Variants in FAM185A observed in about 807,000 individuals in gnomAD.
The protein encoded by FAM185A is family with sequence similarity 185 member A.
FAM185A carries 21 observed loss-of-function variants against 45.7 expected under a neutral mutation model. The ratio of observed to expected loss-of-function variants is 0.46; its 90% CI spans 0.33 to 0.66. The LOEUF is 0.66. FAM185A is among the 30% of genes least tolerant of loss of function. The probability of loss-of-function intolerance (pLI) is 0.03; values close to 1 mark genes in which losing one functional copy is unlikely to be tolerated. For synonymous variants in FAM185A, 117 were observed against 194.0 expected (o/e 0.60, Z 3.30); for missense variants, 305 against 485.4 (o/e 0.63, Z 3.49).
intron 2 of FAM185A, among the ~76,000 whole-genome samples, chr7:102,753,970 A>G (rs952171976): frequency 1.3e-5 from 2 of 152,198 alleles, no homozygotes; most frequent in Non-Finnish European, 2.9e-5. Context: ...AAATTCATGA[A>G]AAATTACGCC....
At chr7:102,816,455 G>A in the FAM185A span, among the ~76,000 whole-genome samples, 21 of 152,226 alleles carry the variant, frequency 1.4e-4, no homozygotes, top group South Asian at 6.2e-4. Flanking sequence ...ATCCTTAGCC[G>A]TGACTAGCTG....
chr7:102,791,153 T>A (rs1324709155), intron 7 of FAM185A, among the ~76,000 whole-genome samples: 1 of 151,808 alleles, frequency 6.6e-6, no homozygotes, highest in Non-Finnish European at 1.5e-5. Flanking sequence ...ATGGGACAGT[T>A]TGGATTTTAT....
chr7:102,796,142 A>G (rs1422153273), intron 7 of FAM185A, among the ~76,000 whole-genome samples: 2 of 151,984 alleles, frequency 1.3e-5, no homozygotes, highest in African/African-American at 2.4e-5. Context: ...AGGAGTTTTG[A>G]TTAGTCAGTC....
chr7:102,777,202 T>C, intron 5 of FAM185A, 51 bp from the exon 6 acceptor site: 1 of 1,545,494 alleles, frequency 6.5e-7, no homozygotes. Flanking sequence ...AGTTTGTAAT[T>C]CCATTTATCA....
Position 102,761,524 on chromosome 7 carries a change from G to A in FAM185A, c.793+113G>A, listed in dbSNP as rs548579692. On this transcript the variant is annotated intron_variant, in intron 4 of 7. Coordinates refer to ENST00000413034, the MANE Select transcript of FAM185A (RefSeq NM_001145268.2). ...AAACTGGCCTTTTAAATAATGAAATGCAGACTAACCATCTTTTTAAAAAAA... is the reference window on the plus strand; with the variant it reads ...AAACTGGCCTTTTAAATAATGAAATACAGACTAACCATCTTTTTAAAAAAA... 7.2e-6 allele frequency: 5 copies of A among 698,234 alleles called. No homozygotes were observed. The South Asian group carries it at 1.6e-4, about 23-fold the overall frequency. 43.3% of individuals were successfully genotyped at this position (698,234 alleles called of 1,614,324 possible).
At chr7:102,816,946 T>C in the FAM185A span, among the ~76,000 whole-genome samples, 1 of 152,370 alleles carries the variant, frequency 6.6e-6, no homozygotes, top group East Asian at 1.9e-4. Flanking sequence ...TTTCATTATT[T>C]TTTATGACTG....
chr7:102,767,686 C>A (rs1468216219), intron 4 of FAM185A, among the ~76,000 whole-genome samples: 1 of 152,032 alleles, frequency 6.6e-6, no homozygotes, highest in Non-Finnish European at 1.5e-5. Context: ...TTATTCAAAT[C>A]TATGTCTCTA....
At chr7:102,804,901 T>C (rs182127137) in intron 7 of FAM185A, among the ~76,000 whole-genome samples, 15 of 152,296 alleles carry the variant, frequency 9.8e-5, no homozygotes, top group African/African-American at 3.6e-4. Flanking sequence ...TAAGAAGATA[T>C]ACAAATGGCC....
intron 7 of FAM185A, among the ~76,000 whole-genome samples, chr7:102,798,840 T>C (rs10227402): frequency 0.46 from 69,210 of 151,262 alleles, 17,762 homozygotes; most frequent in African/African-American, 0.7. Flanking sequence ...CTCTGCCTCC[T>C]AGGTTCAAGC....
At chr7:102,841,150 A>G in the FAM185A span, among the ~76,000 whole-genome samples, 1 of 152,240 alleles carries the variant, frequency 6.6e-6, no homozygotes, top group Non-Finnish European at 1.5e-5. Flanking sequence ...GATCAAAAAC[A>G]TATCAAAAAC....
chr7:102,815,672 T>G, the FAM185A span, among the ~76,000 whole-genome samples: 1 of 151,704 alleles, frequency 6.6e-6, no homozygotes, highest in African/African-American at 2.4e-5. Flanking sequence ...TTTTAGGGAG[T>G]AAAAGATTTG....
At chr7:102,779,274 A>G (rs1247327422) in intron 6 of FAM185A, among the ~76,000 whole-genome samples, 1 of 152,196 alleles carries the variant, frequency 6.6e-6, no homozygotes, top group Non-Finnish European at 1.5e-5. Flanking sequence ...ACGATGGGAC[A>G]TTAGGAAGGT....
In FAM185A at chr7:102,749,648, C is replaced by T; in HGVS notation, c.441C>T (p.Pro147=). 6.8e-7 allele frequency: 1 copy of T among 1,471,996 alleles called. No individual in the cohort carries two copies. The highest frequency in any genetic ancestry group is 1.4e-5 in the African/African-American group (1 of 70,292). The allele number at this position is 1,471,996 out of a possible 1,614,324, so 91.2% of individuals were successfully genotyped here. ...AGGCGTCCGTGGAGGTGAACGCGCC[C>T]CTGAAGTTTGGCAAGTGAAGTGAAG... ...HPQASVEVNA[P]LKFGLDIKSS... The change falls in exon 1 of 8, where the codon CCC becomes CCT. Residue 147 remains proline, a synonymous_variant. Transcript: ENST00000413034.
intron 4 of FAM185A, among the ~76,000 whole-genome samples, chr7:102,768,739 C>A (rs942818388): frequency 3.3e-5 from 5 of 152,090 alleles, no homozygotes; most frequent in Middle Eastern, 3.4e-3. Context: ...AGGTTACAAG[C>A]TAAGAAAAAC....
At chr7:102,774,507 A>ATATTG (rs1273196641) in intron 5 of FAM185A, among the ~76,000 whole-genome samples, 6 of 151,852 alleles carry the variant, frequency 4.0e-5, no homozygotes, top group Non-Finnish European at 8.8e-5. Context: ...CTTGATCCCT[A>ATATTG]TCCTTGTCCC....
downstream of FAM185A, chr7:102,813,380 T>TC: frequency 6.2e-7 from 1 of 1,613,992 alleles, no homozygotes; most frequent in Non-Finnish European, 8.5e-7. Context: ...GTTGACTTTT[T>TC]CACTGTTAAT....
At chr7:102,791,559 A>G (rs1180873129) in intron 7 of FAM185A, among the ~76,000 whole-genome samples, 2 of 152,252 alleles carry the variant, frequency 1.3e-5, no homozygotes, top group Non-Finnish European at 2.9e-5. Flanking sequence ...TGAACCAGGA[A>G]GGGCCAAATC....
intron 7 of FAM185A, among the ~76,000 whole-genome samples, chr7:102,805,487 C>T (rs886666444): frequency 4.0e-5 from 6 of 150,098 alleles, no homozygotes; most frequent in African/African-American, 1.2e-4. Flanking sequence ...GCTATGAGGA[C>T]GCAAAGGCAT....
chr7:102,831,585 A>G, the FAM185A span, among the ~76,000 whole-genome samples: 4 of 152,136 alleles, frequency 2.6e-5, no homozygotes, highest in Non-Finnish European at 5.9e-5. Context: ...AGATCTATCT[A>G]CTTCTTAAGA....
Sources: gnomAD v4.1 joint callset for allele counts (sites outside exome capture counted in the v4.1 genomes callset) on GRCh38, gnomAD v4.1.1 for gene constraint, MANE v1.5 for transcripts, NCBI Gene and HGNC (gene_info 2026-07-23, HGNC 2026-07-21) for gene names.